The following BTNL8 variants were observed in gnomAD, a reference collection of about 807,000 sequenced individuals.
BTNL8 encodes the protein butyrophilin-like protein 8.
BTNL8 carries 22 observed loss-of-function variants against 36.1 expected under a neutral mutation model. The observed-to-expected ratio is 0.61, with a 90% CI of 0.44 to 0.87. The LOEUF (loss-of-function observed/expected upper bound fraction) is 0.87, where lower values mean the gene tolerates loss of function less well. BTNL8 is among the 40% of genes least tolerant of loss of function. BTNL8 has a pLI of 0.00. For synonymous variants in BTNL8, 203 were observed against 235.6 expected (o/e 0.86, Z 1.27); for missense variants, 526 against 616.9 (o/e 0.85, Z 1.56).
intron 3 of BTNL8, among the ~76,000 whole-genome samples, chr5:180,912,441 A>G (rs1257663093): frequency 6.6e-6 from 1 of 152,014 alleles, no homozygotes; most frequent in Non-Finnish European, 1.5e-5. Flanking sequence ...ATATATATAT[A>G]TATGTATGTG....
chr5:180,931,620 A>C (rs1297048023), intron 3 of BTNL8, among the ~76,000 whole-genome samples: 1 of 152,212 alleles, frequency 6.6e-6, no homozygotes, highest in Non-Finnish European at 1.5e-5. Flanking sequence ...AAGAAAAAAA[A>C]CAAACAATGC....
At chr5:180,915,162 C>T (rs1408517283) in intron 3 of BTNL8, among the ~76,000 whole-genome samples, 2 of 152,212 alleles carry the variant, frequency 1.3e-5, no homozygotes, top group African/African-American at 4.8e-5. Flanking sequence ...AGCCCCTGCA[C>T]TCTACTAGAG....
chr5:180,940,576 A>C (rs540180481), intron 3 of BTNL8, among the ~76,000 whole-genome samples: 17 of 152,290 alleles, frequency 1.1e-4, no homozygotes, highest in South Asian at 1.0e-3. Flanking sequence ...AAATGAAATA[A>C]AGACCAAAAT....
intron 3 of BTNL8, among the ~76,000 whole-genome samples, chr5:180,943,337 G>T (rs1228107503): frequency 6.6e-6 from 1 of 151,848 alleles, no homozygotes; most frequent in Non-Finnish European, 1.5e-5. Context: ...GTTTCACCAG[G>T]TTGGCCAGGC....
intron 3 of BTNL8, among the ~76,000 whole-genome samples, chr5:180,943,511 T>C (rs759133943): frequency 6.6e-6 from 1 of 152,210 alleles, no homozygotes; most frequent in Middle Eastern, 3.2e-3. Flanking sequence ...TCAGTATCAC[T>C]AGTCATCAGG....
At chr5:180,936,415 A>G (rs939152064) in intron 3 of BTNL8, among the ~76,000 whole-genome samples, 1 of 152,200 alleles carries the variant, frequency 6.6e-6, no homozygotes, top group African/African-American at 2.4e-5. Context: ...CAACATCAAC[A>G]TACAAAGATC....
intron 1 of BTNL8, among the ~76,000 whole-genome samples, chr5:180,899,598 G>A (rs949027927): frequency 6.6e-6 from 1 of 152,188 alleles, no homozygotes; most frequent in Non-Finnish European, 1.5e-5. Context: ...ACGTGTTAAG[G>A]TGAATAAATT....
At chr5:180,914,879 C>T (rs757982916) in intron 3 of BTNL8, among the ~76,000 whole-genome samples, 3 of 152,194 alleles carry the variant, frequency 2.0e-5, no homozygotes, top group South Asian at 2.1e-4. Flanking sequence ...TCCTTCTACC[C>T]GCCTCACTGC....
rs1277230672 is a variant in BTNL8, at chr5:180,950,068, T to C, written c.1027T>C (p.Trp343Arg). The change falls in exon 8 of 8, where the codon TGG becomes CGG. Residue 343 changes from tryptophan to arginine, a missense_variant. Trp to Arg is a moderately radical substitution (Grantham distance 101). This residue lies in a region of BTNL8 where 176 missense variants were observed against 292.3 expected (regional missense o/e 0.60). Coordinates refer to ENST00000340184, the MANE Select transcript of BTNL8 (RefSeq NM_001040462.3). ...GAGTTTCCAAGCAGGGAAACATTAC[T>C]GGGAGGTGGACGGAGGACACAATAA... The part of the protein sequence containing the change: ...SQSFQAGKHY[W>R]EVDGGHNKRW... 3.4e-6 allele frequency: 5 copies of C among 1,462,198 alleles called. No individual in the cohort carries two copies. Among genetic ancestry groups the C allele is most frequent in the Non-Finnish European group, 3.8e-6 (4 of 1,058,532 alleles). 90.6% of individuals were successfully genotyped at this position (1,462,198 alleles called of 1,614,324 possible).
At position 180,908,729 on chromosome 5, in the gene BTNL8, C is replaced by T. The variant is rs141528557; in HGVS notation, c.193C>T (p.His65Tyr). 2.5e-6 allele frequency: 4 copies of T among 1,614,140 alleles called. No homozygotes were observed. The highest frequency in any genetic ancestry group is 3.3e-4 in the Middle Eastern group (2 of 6,062). The change falls in exon 2 of 8, where the codon CAC becomes TAC. Residue 65 changes from histidine to tyrosine, a missense_variant. This residue lies in a region of BTNL8 where 350 missense variants were observed against 324.6 expected (regional missense o/e 1.08). Transcript: ENST00000340184. ...CAGGGGCCAGTTCTCTAGCGTGGTC[C>T]ACCTCTACAGGGACGGGAAGGACCA... is the stretch of plus-strand genomic sequence containing the variant. ...FFRGQFSSVV[H>Y]LYRDGKDQPF...
At chr5:180,928,363 C>T (rs1250672749) in intron 3 of BTNL8, among the ~76,000 whole-genome samples, 2 of 152,172 alleles carry the variant, frequency 1.3e-5, no homozygotes, top group Non-Finnish European at 1.5e-5. Flanking sequence ...AAAACCAGTA[C>T]CAGCCATTGC....
intron 3 of BTNL8, among the ~76,000 whole-genome samples, chr5:180,938,515 T>TCTTCCTTC (rs1223061050): frequency 0.015 from 2,265 of 151,028 alleles, 67 homozygotes; most frequent in African/African-American, 0.052. Context: ...TTTCTTTCCT[T>TCTTCCTTC]CTTCCTTCCT....
At chr5:180,946,147 GCAAGGATGCTGAGAAAAGGAACTCATA>G (rs1255949782) in intron 3 of BTNL8, among the ~76,000 whole-genome samples, 4 of 152,122 alleles carry the variant, frequency 2.6e-5, no homozygotes, top group African/African-American at 9.7e-5. Flanking sequence ...ATAAGTGTTG[GCAAGGATGCTGAGAAAAGGAACTCATA>G]CATTATTGGT....
rs1270545477 is a variant in BTNL8, at chr5:180,908,625, C to T, written c.89C>T (p.Ala30Val). ...QVFGPDKPVQ[A>V]LVGEDAAFSC... is the part of the protein sequence containing the mutation. Reference sequence around the variant, plus strand: ...TTTGGGCCAGACAAGCCTGTCCAGGCCTTGGTGGGGGAGGACGCAGCATTC... The same window carrying T: ...TTTGGGCCAGACAAGCCTGTCCAGGTCTTGGTGGGGGAGGACGCAGCATTC... The change falls in exon 2 of 8, where the codon GCC becomes GTC. Residue 30 changes from alanine (A) to valine (V), a missense_variant. Coordinates refer to ENST00000340184, the MANE Select transcript of BTNL8 (RefSeq NM_001040462.3). 1 of 1,614,064 alleles carries T rather than the reference C, an allele frequency of 6.2e-7. No homozygotes were observed. The highest frequency in any genetic ancestry group is 1.3e-5 in the African/African-American group (1 of 74,928).
chr5:180,909,051 ATACTC>A, intron 2 of BTNL8, 118 bp downstream of exon 2: 3 of 991,196 alleles, frequency 3.0e-6, no homozygotes, highest in Non-Finnish European at 3.0e-6. Context: ...GCAGCATTCT[ATACTC>A]TACGTTCCTT....
chr5:180,913,091 G>T (rs1757479819), intron 3 of BTNL8, among the ~76,000 whole-genome samples: 1 of 152,132 alleles, frequency 6.6e-6, no homozygotes, highest in Admixed American at 6.5e-5. Flanking sequence ...GTTCCTCAGG[G>T]TATCTGTCAA....
intron 3 of BTNL8, among the ~76,000 whole-genome samples, chr5:180,932,695 TA>T (rs1372892744): frequency 2.6e-5 from 4 of 151,718 alleles, no homozygotes; most frequent in Admixed American, 1.3e-4. Context: ...GCACAAACAA[TA>T]AAAAACAAAG....
intron 3 of BTNL8, among the ~76,000 whole-genome samples, chr5:180,921,686 C>G (rs376703215): frequency 6.6e-6 from 1 of 151,340 alleles, no homozygotes; most frequent in Non-Finnish European, 1.5e-5. Flanking sequence ...CACACACACA[C>G]ACACACACAG....
intron 3 of BTNL8, among the ~76,000 whole-genome samples, chr5:180,941,151 A>AGGAAGGAAGGAAG (rs774010123): frequency 6.6e-6 from 1 of 151,324 alleles, no homozygotes; most frequent in Admixed American, 6.6e-5. Context: ...GAAGGAAGGA[A>AGGAAGGAAGGAAG]GGAGAGAAAG....
Sources: allele counts gnomAD v4.1 joint callset (sites outside exome capture counted in the v4.1 genomes callset), GRCh38; gene constraint gnomAD v4.1.1; regional missense constraint gnomAD v4.1.1; transcripts MANE v1.5; gene names NCBI Gene and HGNC (gene_info 2026-07-23, HGNC 2026-07-21).